Variants in ALK observed in about 807,000 individuals in gnomAD.
ALK encodes ALK receptor tyrosine kinase.
Under a neutral mutation model 163.1 loss-of-function variants are expected in ALK, and 74 were observed. The observed-to-expected ratio is 0.45, with a 90% CI of 0.38 to 0.55. The LOEUF is 0.55. Among genes scored for constraint, ALK ranks in the 20% least tolerant of loss-of-function variants. ALK has a pLI of 0.00. For missense variants in ALK, 2,063 were observed against 2,105.3 expected (o/e 0.98, Z 0.39); for synonymous variants, 960 against 843.2 (o/e 1.14, Z -2.40).
chr2:29,896,051 G>T (rs576706367), intron 1 of ALK, among the ~76,000 whole-genome samples: 1 of 152,306 alleles, frequency 6.6e-6, no homozygotes, highest in East Asian at 1.9e-4. Flanking sequence ...TGCAATGGGA[G>T]AGTAGGTATG....
chr2:29,479,824 C>T (rs1316612196), intron 4 of ALK, among the ~76,000 whole-genome samples: 10 of 152,162 alleles, frequency 6.6e-5, no homozygotes, highest in African/African-American at 1.7e-4. Flanking sequence ...TTAGGAAGAT[C>T]TGGAAGATAA....
chr2:29,447,628 G>C (rs772050155), intron 4 of ALK, among the ~76,000 whole-genome samples: 1 of 152,214 alleles, frequency 6.6e-6, no homozygotes, highest in African/African-American at 2.4e-5. Flanking sequence ...GAGATGACAT[G>C]ATTCAATAGC....
At chr2:29,293,625 C>A (rs765796182) in intron 9 of ALK, among the ~76,000 whole-genome samples, 2 of 151,804 alleles carry the variant, frequency 1.3e-5, no homozygotes, top group Non-Finnish European at 2.9e-5. Flanking sequence ...TTTAACATGG[C>A]AACTGCAAAA....
At chr2:29,638,991 T>C (rs778245256) in intron 3 of ALK, among the ~76,000 whole-genome samples, 7 of 152,300 alleles carry the variant, frequency 4.6e-5, no homozygotes, top group Non-Finnish European at 7.3e-5. Flanking sequence ...GCCAGCTTTA[T>C]TGAAAACAAA....
intron 3 of ALK, among the ~76,000 whole-genome samples, chr2:29,534,519 A>C (rs1296341086): frequency 6.6e-6 from 1 of 152,130 alleles, no homozygotes; most frequent in Non-Finnish European, 1.5e-5. Context: ...ATTTACACAT[A>C]AGGGAGCAGC....
At chr2:29,432,772 G>C (rs996856250) in intron 4 of ALK, among the ~76,000 whole-genome samples, 4 of 146,702 alleles carry the variant, frequency 2.7e-5, no homozygotes, top group African/African-American at 1.0e-4. Context: ...TGGATCCATT[G>C]CGCATCAATT....
chr2:29,672,603 T>A, intron 3 of ALK, among the ~76,000 whole-genome samples: 1 of 151,854 alleles, frequency 6.6e-6, no homozygotes, highest in East Asian at 1.9e-4. Flanking sequence ...TGGTTCCAAG[T>A]CTTTGCTATT....
chr2:29,846,487 A>G (rs753622601), intron 1 of ALK, among the ~76,000 whole-genome samples: 42 of 152,368 alleles, frequency 2.8e-4, no homozygotes, highest in Admixed American at 1.2e-3. Flanking sequence ...ATCCTTGTCT[A>G]GAGCCTGGCA....
intron 18 of ALK, among the ~76,000 whole-genome samples, chr2:29,226,396 T>C (rs1663993712): frequency 6.7e-6 from 1 of 149,512 alleles, no homozygotes; most frequent in Non-Finnish European, 1.5e-5. Context: ...AAGAATTGTT[T>C]GAACCTGGGA....
chr2:29,844,654 G>A (rs923858536), intron 1 of ALK, among the ~76,000 whole-genome samples: 12 of 152,108 alleles, frequency 7.9e-5, no homozygotes, highest in Non-Finnish European at 1.5e-5. Flanking sequence ...GGAGACTGGA[G>A]ACTGGATGAT....
chr2:29,315,614 G>C (rs1450999622), intron 8 of ALK, among the ~76,000 whole-genome samples: 1 of 152,096 alleles, frequency 6.6e-6, no homozygotes, highest in Admixed American at 6.6e-5. Context: ...GCAGAGCCCT[G>C]GGCCCCACTC....
In ALK at chr2:29,691,733, T is replaced by C. The variant is rs184587052; in HGVS notation, c.952+3117A>G. The stretch of plus-strand genomic sequence containing the variant: ...TTGTTTTGTCATAGCACTCAGTGTA[T>C]TGTGCGCATGTCAGCGATCACAGGT... On this transcript the variant is annotated intron_variant, in intron 3 of 28. Transcript: ENST00000389048. Among the ~76,000 whole-genome samples the C allele has an allele frequency of 9.0e-4, 137 of 152,298 alleles. 1 individual carries two copies. The Middle Eastern group carries it at 0.034, about 38-fold the overall frequency.
chr2:29,381,993 T>C (rs1473514143), intron 5 of ALK, among the ~76,000 whole-genome samples: 1 of 152,156 alleles, frequency 6.6e-6, no homozygotes, highest in Non-Finnish European at 1.5e-5. Context: ...TCCCTCCCCA[T>C]CCCTTGTTGA....
At chr2:29,355,839 T>A (rs571369439) in intron 5 of ALK, among the ~76,000 whole-genome samples, 82 of 152,198 alleles carry the variant, frequency 5.4e-4, no homozygotes, top group Non-Finnish European at 9.1e-4. Context: ...CTACCCTGAG[T>A]TAGGATATAC....
intron 3 of ALK, among the ~76,000 whole-genome samples, chr2:29,573,617 C>T (rs1213705597): frequency 1.3e-5 from 2 of 152,184 alleles, no homozygotes; most frequent in South Asian, 2.1e-4. Context: ...CATTCATACA[C>T]GTATCATTCA....
chr2:29,867,450 C>A (rs1247936657), intron 1 of ALK, among the ~76,000 whole-genome samples: 2 of 152,156 alleles, frequency 1.3e-5, no homozygotes, highest in Non-Finnish European at 2.9e-5. Flanking sequence ...ACAAGGTTCA[C>A]TTGTCCCAAA....
intron 3 of ALK, among the ~76,000 whole-genome samples, chr2:29,580,443 C>G (rs1316829651): frequency 6.6e-6 from 1 of 152,178 alleles, no homozygotes; most frequent in Non-Finnish European, 1.5e-5. Context: ...ATCTGAGCAA[C>G]CTTATAACCA....
intron 3 of ALK, among the ~76,000 whole-genome samples, chr2:29,535,504 A>C (rs77478752): frequency 0.02 from 2,976 of 152,314 alleles, 34 homozygotes; most frequent in Middle Eastern, 0.071. Context: ...GCTCAAATTT[A>C]ATATGGGCAG....
intron 2 of ALK, among the ~76,000 whole-genome samples, chr2:29,712,105 T>C (rs992114125): frequency 2.6e-5 from 4 of 152,188 alleles, no homozygotes; most frequent in Admixed American, 2.6e-4. Context: ...TCGAAACACC[T>C]AAGGCAACTC....
Sources: allele counts gnomAD v4.1 joint callset (sites outside exome capture counted in the v4.1 genomes callset), GRCh38; gene constraint gnomAD v4.1.1; transcripts MANE v1.5; gene names NCBI Gene and HGNC (gene_info 2026-07-23, HGNC 2026-07-21).